Variants in FRMD4A observed in about 807,000 individuals in gnomAD.
FRMD4A encodes FERM domain containing 4A, also known as FERM domain-containing protein 4A.
In FRMD4A, 29 loss-of-function variants were observed where a neutral mutation model predicts 129.1. That is an observed-to-expected ratio of 0.22 (90% CI 0.17 to 0.31). The LOEUF (loss-of-function observed/expected upper bound fraction) is 0.31. Ranked by LOEUF, FRMD4A falls within the 10% of genes least tolerant of loss-of-function variation. The pLI is 1.00. For synonymous variants in FRMD4A, 634 were observed against 571.6 expected (o/e 1.11, Z -1.56); for missense variants, 1,272 against 1,375.8 (o/e 0.92, Z 1.19).
chr10:13,726,043 G>A (rs368453406), intron 12 of FRMD4A, among the ~76,000 whole-genome samples: 7 of 152,188 alleles, frequency 4.6e-5, no homozygotes, highest in South Asian at 2.1e-4. Flanking sequence ...GTGAGTTAGC[G>A]CCAAAATTCT....
At chr10:14,264,308 G>T (rs1032648016) in intron 2 of FRMD4A, among the ~76,000 whole-genome samples, 9 of 152,160 alleles carry the variant, frequency 5.9e-5, no homozygotes, top group Non-Finnish European at 8.8e-5. Context: ...GTTCCCCATT[G>T]ATACAAGCAG....
At chr10:14,019,165 A>G (rs73591225) in intron 2 of FRMD4A, among the ~76,000 whole-genome samples, 4,340 of 152,184 alleles carry the variant, frequency 0.029, 207 homozygotes, top group African/African-American at 0.1. Context: ...CCAAGAGAAG[A>G]GCTAATCCAA....
In FRMD4A at chr10:14,330,692, T is replaced by C. The variant is rs544523471; in HGVS notation, c.-177A>G. 6.0e-5 allele frequency: 24 copies of C among 398,810 alleles called. No individual in the cohort carries two copies. The South Asian group carries it at 2.1e-3, about 34-fold the overall frequency. 24.7% of individuals were successfully genotyped at this position (398,810 alleles called of 1,614,324 possible). ...GGAGTGAGACAGCCGAGTCTGACCA[T>C]GAGGCACCAGGCAGTCACTGGAGAT... On this transcript the variant is annotated 5_prime_UTR_variant, in exon 1 of 25. An upstream start codon of the reference 5' UTR is lost. Transcript: ENST00000357447.
chr10:13,778,220 C>T (rs919944012), intron 6 of FRMD4A, among the ~76,000 whole-genome samples: 1 of 151,778 alleles, frequency 6.6e-6, no homozygotes, highest in Admixed American at 6.6e-5. Flanking sequence ...GGTTTCAAAG[C>T]GCTTTCACAT....
intron 13 of FRMD4A, among the ~76,000 whole-genome samples, chr10:13,702,780 G>A (rs1320767890): frequency 2.0e-5 from 3 of 151,972 alleles, no homozygotes; most frequent in African/African-American, 7.3e-5. Context: ...TACTTTGGGC[G>A]GGGGTCGGGG....
At chr10:14,128,810 G>A (rs1839070145) in intron 2 of FRMD4A, among the ~76,000 whole-genome samples, 1 of 151,914 alleles carries the variant, frequency 6.6e-6, no homozygotes, top group African/African-American at 2.4e-5. Flanking sequence ...CTTTCAGCAT[G>A]GCCTCAGCAC....
intron 2 of FRMD4A, among the ~76,000 whole-genome samples, chr10:14,168,782 T>C (rs1254011937): frequency 6.6e-6 from 1 of 152,184 alleles, no homozygotes; most frequent in Non-Finnish European, 1.5e-5. Flanking sequence ...GCATACATGT[T>C]ATACAGAAAA....
intron 2 of FRMD4A, among the ~76,000 whole-genome samples, chr10:14,043,249 A>AT (rs1005226447): frequency 2.0e-5 from 3 of 152,242 alleles, no homozygotes; most frequent in East Asian, 1.9e-4. Flanking sequence ...TTTCTGAGGG[A>AT]TTTTTTTATG....
At chr10:13,891,493 A>T (rs1445602440) in intron 2 of FRMD4A, 1 of 587,900 alleles carries the variant, frequency 1.7e-6, no homozygotes, top group African/African-American at 2.0e-5. Context: ...CGCGAAATAA[A>T]CGACTCCAGG....
At chr10:14,018,455 CAAAAAAA>C (rs71388151) in intron 2 of FRMD4A, among the ~76,000 whole-genome samples, 11 of 59,270 alleles carry the variant, frequency 1.9e-4, no homozygotes, top group Admixed American at 5.1e-4. Flanking sequence ...GACTCCATCT[CAAAAAAA>C]AAAAAAAAAA....
chr10:13,704,772 T>G (rs2087241327), intron 13 of FRMD4A, among the ~76,000 whole-genome samples: 1 of 152,110 alleles, frequency 6.6e-6, no homozygotes, highest in South Asian at 2.1e-4. Flanking sequence ...ACTCCATGAG[T>G]TCCTTCTTCT....
At chr10:13,742,641 C>T (rs1437427206) in intron 9 of FRMD4A, among the ~76,000 whole-genome samples, 5 of 152,114 alleles carry the variant, frequency 3.3e-5, no homozygotes, top group Admixed American at 6.6e-5. Context: ...CTCAGTCTTC[C>T]GAATAGCTGG....
chr10:13,878,099 G>A (rs148329518), intron 2 of FRMD4A, among the ~76,000 whole-genome samples: 122 of 152,160 alleles, frequency 8.0e-4, no homozygotes, highest in African/African-American at 2.9e-3. Context: ...TATCATTAGT[G>A]AGCAGTTACA....
chr10:14,323,540 T>C (rs77511123), intron 2 of FRMD4A, among the ~76,000 whole-genome samples: 1 of 152,046 alleles, frequency 6.6e-6, no homozygotes, highest in Non-Finnish European at 1.5e-5. Flanking sequence ...TTACCTATCA[T>C]GGTATACAAG....
At chr10:14,171,698 A>C (rs943300444) in intron 2 of FRMD4A, among the ~76,000 whole-genome samples, 2 of 152,228 alleles carry the variant, frequency 1.3e-5, no homozygotes, top group East Asian at 3.8e-4. Context: ...AGTCCATTAC[A>C]TGGTGTAATG....
chr10:13,929,411 G>T (rs1036797515), intron 2 of FRMD4A, among the ~76,000 whole-genome samples: 3 of 152,144 alleles, frequency 2.0e-5, no homozygotes, highest in Non-Finnish European at 4.4e-5. Context: ...CGCCTACTAC[G>T]CCCTGGGTCA....
chr10:13,836,474 G>C (rs976272931), intron 3 of FRMD4A, among the ~76,000 whole-genome samples: 1 of 152,214 alleles, frequency 6.6e-6, no homozygotes, highest in South Asian at 2.1e-4. Flanking sequence ...CAATTCTTTG[G>C]GGGGCGCGGG....
intron 2 of FRMD4A, among the ~76,000 whole-genome samples, chr10:14,048,035 G>A (rs11258828): frequency 0.13 from 20,361 of 152,182 alleles, 1,524 homozygotes; most frequent in African/African-American, 0.2. Flanking sequence ...AGATATCATT[G>A]TCTGTTTTGT....
At chr10:14,299,307 G>T (rs1846109087) in intron 2 of FRMD4A, among the ~76,000 whole-genome samples, 1 of 152,172 alleles carries the variant, frequency 6.6e-6, no homozygotes, top group Non-Finnish European at 1.5e-5. Flanking sequence ...CAATGGACTG[G>T]TTCAGCAGCA....
Sources: gnomAD v4.1 joint callset for allele counts (sites outside exome capture counted in the v4.1 genomes callset) on GRCh38, gnomAD v4.1.1 for gene constraint, MANE v1.5 for transcripts, NCBI Gene and HGNC (gene_info 2026-07-23, HGNC 2026-07-21) for gene names.